RPS9: variants seen among roughly 807,000 people sequenced by gnomAD.
The protein encoded by RPS9 is small ribosomal subunit protein uS4.
In RPS9, 1 loss-of-function variant was observed where a neutral mutation model predicts 16.9. The observed-to-expected ratio is 0.06, with a 90% CI of 0.02 to 0.28. The LOEUF is 0.28. Ranked by LOEUF, RPS9 falls within the 10% of genes least tolerant of loss-of-function variation. RPS9 has a pLI of 1.00. For synonymous variants in RPS9, 106 were observed against 110.9 expected (o/e 0.96, Z 0.28); for missense variants, 137 against 273.2 (o/e 0.50, Z 3.51).
chr19:54,201,150 T>C lies in RPS9; in HGVS notation c.-25-10T>C. On this transcript the variant is annotated splice_polypyrimidine_tract_variant and intron_variant, in intron 1 of 4. Transcript: ENST00000302907. ...TGGATCCCTTACGCTCACACTTCTC[T>C]CCCGCGCAGGCGCAGACGGGGAAGC... 6.2e-7 allele frequency: 1 copy of C among 1,612,528 alleles called. No individual in the cohort carries two copies. Among genetic ancestry groups the C allele is most frequent in the South Asian group, 1.1e-5 (1 of 91,014 alleles).
In RPS9 at chr19:54,207,569, G is replaced by A. The variant is rs754474712; in HGVS notation, c.579G>A (p.Glu193=). The change falls in exon 5 of 5, where the codon GAG becomes GAA. Residue 193 remains glutamate (E), a synonymous_variant. Coordinates refer to ENST00000302907, the MANE Select transcript of RPS9 (RefSeq NM_001013.4). ...CTGGGGCTGGAGACGACGAGGAGGAGGATTAAGTCCACCTGTCCCTCCTGG... is the reference window on the plus strand; with the variant it reads ...CTGGGGCTGGAGACGACGAGGAGGAAGATTAAGTCCACCTGTCCCTCCTGG... The part of the protein sequence containing the change: ...GGAGAGDDEE[E]D 18 of 1,608,518 alleles carry A rather than the reference G, an allele frequency of 1.1e-5. No homozygotes were observed. The highest frequency in any genetic ancestry group is 1.5e-5 in the Non-Finnish European group (18 of 1,177,956).
At chr19:54,206,037 C>T (rs535738209) in intron 3 of RPS9, among the ~76,000 whole-genome samples, 38 of 152,294 alleles carry the variant, frequency 2.5e-4, no homozygotes, top group African/African-American at 8.9e-4. Context: ...GGGCTGGTCT[C>T]TCAAACTCCT....
chr19:54,206,580 C>T, intron 4 of RPS9, 118 bp downstream of exon 4: 1 of 1,555,346 alleles, frequency 6.4e-7, no homozygotes, highest in Non-Finnish European at 8.7e-7. Flanking sequence ...TGTGAACTCA[C>T]CCAGAGGGTA....
chr19:54,204,804 T>C (rs2077185648), intron 3 of RPS9, among the ~76,000 whole-genome samples: 1 of 151,692 alleles, frequency 6.6e-6, no homozygotes, highest in South Asian at 2.1e-4. Flanking sequence ...CATTGCCTTT[T>C]GGACATGTTT....
In RPS9 at chr19:54,206,343, C is replaced by T; in HGVS notation, c.288C>T (p.Tyr96=). 1 of 1,614,176 alleles carries T rather than the reference C, an allele frequency of 6.2e-7. No homozygotes were observed. Among genetic ancestry groups the T allele is most frequent in the Non-Finnish European group, 8.5e-7 (1 of 1,180,044 alleles). ...ATGAGGGCAAGATGAAGCTGGATTACATCCTGGGCCTGAAGATAGAGGATT... is the reference window on the plus strand; with the variant it reads ...ATGAGGGCAAGATGAAGCTGGATTATATCCTGGGCCTGAAGATAGAGGATT... ...VLDEGKMKLD[Y]ILGLKIEDFL... Residue 96 remains tyrosine (Y), a synonymous_variant, in exon 4 of 5, where the codon TAC becomes TAT. Coordinates refer to ENST00000302907, the MANE Select transcript of RPS9 (RefSeq NM_001013.4).
intron 4 of RPS9, 130 bp from the exon 5 acceptor site, chr19:54,207,268 C>T (rs1455291962): frequency 4.1e-6 from 3 of 729,732 alleles, no homozygotes; most frequent in Non-Finnish European, 6.8e-6. Flanking sequence ...CAGGTGCACC[C>T]TTCCTGCAGC....
At chr19:54,202,244 GTCGCAA>G (rs1474136139) in intron 3 of RPS9, 1 of 172,180 alleles carries the variant, frequency 5.8e-6, no homozygotes, top group Admixed American at 6.5e-5. Flanking sequence ...GAGTGTAGTT[GTCGCAA>G]TCTTGGCTCA....
intron 3 of RPS9, chr19:54,201,890 T>G (rs983762034): frequency 4.1e-6 from 2 of 485,296 alleles, no homozygotes; most frequent in African/African-American, 3.8e-5. Flanking sequence ...GTCTATATCT[T>G]TATATTCTGT....
intron 3 of RPS9, 134 bp downstream of exon 3, chr19:54,201,743 C>G (rs556707792): frequency 2.6e-5 from 38 of 1,471,066 alleles, no homozygotes; most frequent in Middle Eastern, 1.8e-4. Flanking sequence ...CTTTTAGTGG[C>G]ACTTGTGGAG....
At chr19:54,201,348 G>T in intron 2 of RPS9, 67 bp downstream of exon 2, 1 of 1,612,314 alleles carries the variant, frequency 6.2e-7, no homozygotes, top group African/African-American at 1.3e-5. Flanking sequence ...GGATGAAGGT[G>T]CCCATGTACT....
intron 3 of RPS9, 97 bp downstream of exon 3, chr19:54,201,706 A>G: frequency 1.1e-5 from 17 of 1,550,832 alleles, no homozygotes; most frequent in Middle Eastern, 1.7e-4. Flanking sequence ...GAGTTGTGTC[A>G]TTGGATAAAT....
chr19:54,202,320 G>T, intron 3 of RPS9: 2 of 549,480 alleles, frequency 3.6e-6, no homozygotes, highest in Non-Finnish European at 4.6e-6. Flanking sequence ...TAAGTAGCTG[G>T]AATCACAGGC....
intron 2 of RPS9, 92 bp downstream of exon 2, chr19:54,201,373 C>T (rs1007103239): frequency 1.2e-4 from 193 of 1,606,906 alleles, no homozygotes; most frequent in Middle Eastern, 8.3e-4. Flanking sequence ...CTAGTCCGTC[C>T]CCTAAATTTG....
At chr19:54,203,944 A>G (rs780791829) in intron 3 of RPS9, among the ~76,000 whole-genome samples, 6 of 152,214 alleles carry the variant, frequency 3.9e-5, no homozygotes, top group Non-Finnish European at 8.8e-5. Context: ...CTCTTGGTGC[A>G]TTGGCCCAGT....
chr19:54,202,575 A>C (rs17239566), intron 3 of RPS9: 375,002 of 983,608 alleles, frequency 0.38, 74,678 homozygotes, highest in East Asian at 0.43. Context: ...TACACATTAA[A>C]TTGAAAATGT....
intron 4 of RPS9, 153 bp downstream of exon 4, chr19:54,206,615 A>T: frequency 1.9e-6 from 3 of 1,551,240 alleles, no homozygotes; most frequent in Non-Finnish European, 2.6e-6. Flanking sequence ...CACACAGCTC[A>T]CCAGGGAGCT....
chr19:54,205,104 G>GT (rs1019940784), intron 3 of RPS9, among the ~76,000 whole-genome samples: 1 of 152,134 alleles, frequency 6.6e-6, no homozygotes, highest in African/African-American at 2.4e-5. Flanking sequence ...GCTGTAACTA[G>GT]TAAGAGCCAC....
Position 54,203,071 on chromosome 19 carries a change from AT to A in RPS9, c.220+1463del, listed in dbSNP as rs1335690267. 4.1e-6 allele frequency: 4 copies of A among 985,170 alleles called. No individual in the cohort carries two copies. The African/African-American group carries it at 7.0e-5, about 17-fold the overall frequency. 61.0% of individuals were successfully genotyped at this position (985,170 alleles called of 1,614,324 possible). ...AGTGCTGGAGATCCCTCCCCCATAGATACTGATGCTGGGTGGGAATTCATCC... is the reference window on the plus strand; with the variant it reads ...AGTGCTGGAGATCCCTCCCCCATAGAACTGATGCTGGGTGGGAATTCATCC... On this transcript the variant is annotated intron_variant, in intron 3 of 4. Transcript: ENST00000302907.
chr19:54,207,171 T>G, intron 4 of RPS9: 1 of 543,612 alleles, frequency 1.8e-6, no homozygotes, highest in Non-Finnish European at 3.2e-6. Context: ...TTCGGATTTC[T>G]CCTATAAAAT....
Sources: allele counts gnomAD v4.1 joint callset (sites outside exome capture counted in the v4.1 genomes callset), GRCh38; gene constraint gnomAD v4.1.1; transcripts MANE v1.5; gene names NCBI Gene and HGNC (gene_info 2026-07-23, HGNC 2026-07-21).